TANGO2: variants seen among roughly 807,000 people sequenced by gnomAD.
TANGO2 encodes the protein transport and Golgi organization protein 2 homolog.
In TANGO2, 26 loss-of-function variants were observed where a neutral mutation model predicts 39.1. The ratio of observed to expected loss-of-function variants is 0.67; its 90% CI spans 0.49 to 0.92. The LOEUF (loss-of-function observed/expected upper bound fraction) is 0.92. Ranked by LOEUF, TANGO2 falls within the 40% of genes least tolerant of loss-of-function variation. TANGO2 has a pLI of 0.00. For missense variants in TANGO2, 326 were observed against 360.1 expected (o/e 0.91, Z 0.77); for synonymous variants, 131 against 144.5 (o/e 0.91, Z 0.67).
chr22:20,020,159 G>T (rs1369680274), upstream of TANGO2, among the ~76,000 whole-genome samples: 1 of 152,220 alleles, frequency 6.6e-6, no homozygotes, highest in African/African-American at 2.4e-5. Context: ...ACTGCTCCAA[G>T]TCTCAGTGTT....
chr22:20,025,418 A>G (rs1261622430), intron 1 of TANGO2, among the ~76,000 whole-genome samples: 2 of 151,818 alleles, frequency 1.3e-5, no homozygotes, highest in Admixed American at 1.3e-4. Flanking sequence ...GAGGGTAGAC[A>G]TTACTGTTCC....
chr22:20,056,141 C>T (rs573296082), intron 6 of TANGO2, 128 bp downstream of exon 6: 58 of 805,416 alleles, frequency 7.2e-5, no homozygotes, highest in South Asian at 4.6e-4. Flanking sequence ...ATTTAAGTGC[C>T]TTATGGTCTG....
intron 5 of TANGO2, chr22:20,054,007 C>G (rs1266472095): frequency 3.1e-6 from 1 of 323,046 alleles, no homozygotes; most frequent in African/African-American, 2.2e-5. Context: ...TCCTGCCCTC[C>G]TCCCCCTCCA....
chr22:20,042,360 T>C (rs1186812345), intron 2 of TANGO2, among the ~76,000 whole-genome samples: 1 of 152,184 alleles, frequency 6.6e-6, no homozygotes. Flanking sequence ...GTCACTGCTG[T>C]GTCCTTATTT....
intron 3 of TANGO2, among the ~76,000 whole-genome samples, chr22:20,049,353 C>A (rs189509595): frequency 8.6e-4 from 131 of 152,294 alleles, no homozygotes; most frequent in African/African-American, 3.1e-3. Context: ...ATGAGTGCTG[C>A]TGCTTTTTAG....
Position 20,036,767 on chromosome 22 carries a change from G to A in TANGO2, c.-32G>A, listed in dbSNP as rs780834778. The A allele has an allele frequency of 8.7e-6, 14 of 1,614,102 alleles. No individual in the cohort carries two copies. The highest frequency in any genetic ancestry group is 2.2e-5 in the South Asian group (2 of 91,062). ...GTTTTCCTTTTCCCGCAGACCTCGC[G>A]ACCTGTGTCAGCAGAGCCGCCCTGC... On this transcript the variant is annotated 5_prime_UTR_variant, in exon 2 of 9. Coordinates refer to ENST00000327374, the MANE Select transcript of TANGO2 (RefSeq NM_152906.7).
At chr22:20,018,087 G>A (rs1245566117), upstream of TANGO2, among the ~76,000 whole-genome samples, 1 of 152,224 alleles carries the variant, frequency 6.6e-6, no homozygotes, top group Non-Finnish European at 1.5e-5. Flanking sequence ...TCCTTGGCCA[G>A]GACAAAGAAA....
At chr22:20,063,595 C>A in intron 8 of TANGO2, 153 bp downstream of exon 8, 1 of 698,024 alleles carries the variant, frequency 1.4e-6, no homozygotes. Context: ...GACGCAGCTG[C>A]AGGGTGAGCA....
intron 1 of TANGO2, among the ~76,000 whole-genome samples, chr22:20,035,394 A>G (rs568168112): frequency 6.6e-6 from 1 of 152,338 alleles, no homozygotes; most frequent in Non-Finnish European, 1.5e-5. Context: ...TGGCTGTCCC[A>G]TGTCCCAGCT....
At chr22:20,027,400 G>A (rs2040976874) in intron 1 of TANGO2, among the ~76,000 whole-genome samples, 1 of 152,212 alleles carries the variant, frequency 6.6e-6, no homozygotes, top group Non-Finnish European at 1.5e-5. Flanking sequence ...ACCAGCCACA[G>A]CTGAGAGGCA....
chr22:20,043,020 C>T (rs1380997541), intron 2 of TANGO2, among the ~76,000 whole-genome samples: 1 of 152,066 alleles, frequency 6.6e-6, no homozygotes, highest in Non-Finnish European at 1.5e-5. Context: ...AGGAACAGCC[C>T]CCCACCCTCC....
At chr22:20,027,059 G>A (rs2040901404) in intron 1 of TANGO2, among the ~76,000 whole-genome samples, 2 of 152,256 alleles carry the variant, frequency 1.3e-5, no homozygotes, top group South Asian at 4.1e-4. Context: ...CTCAGCTTCT[G>A]GGGAGGCCTC....
In TANGO2 at chr22:20,063,075, G is replaced by C. The variant is rs567987787; in HGVS notation, c.606-263G>C. ...TGGACTTCTGTCAGGAGAATTGCTT[G>C]AACTCGGGAGGTGGAAGTTGCAGTG... On this transcript the variant is annotated intron_variant, in intron 7 of 8. Transcript: ENST00000327374. 1.3e-4 allele frequency: 54 copies of C among 407,960 alleles called. No individual in the cohort carries two copies. In the Admixed American group the frequency reaches 1.8e-3, roughly 13 times the overall value. 25.3% of individuals were successfully genotyped at this position (407,960 alleles called of 1,614,324 possible).
In TANGO2 at chr22:20,053,569, G is replaced by C; in HGVS notation, c.380+18G>C. On this transcript the variant is annotated intron_variant, in intron 5 of 8. Coordinates refer to ENST00000327374, the MANE Select transcript of TANGO2 (RefSeq NM_152906.7). ...GACCTGAGGTGGGTCTGCCAGAGGG[G>C]GATGGCGGCTCTGCCCAGCACTGCC... is the stretch of plus-strand genomic sequence containing the variant. 1 of 1,542,182 alleles carries C rather than the reference G, an allele frequency of 6.5e-7. No homozygotes were observed. Among genetic ancestry groups the C allele is most frequent in the African/African-American group, 1.4e-5 (1 of 73,548 alleles).
At position 20,057,759 on chromosome 22, in the gene TANGO2, A is replaced by G. The variant is rs1185683152; in HGVS notation, c.451+1746A>G. On this transcript the variant is annotated intron_variant, in intron 6 of 8. Transcript: ENST00000327374. This position sits in a 1 kb window ranked among gnomAD's most constrained non-coding sequence, Gnocchi z 4.1. ...AGGTCTGTGGCAGTGGAGTTGGGCC[A>G]TGCTGAGCCTGTGACTGCCCAGGAG... Among the ~76,000 whole-genome samples, 1 of 152,204 alleles carries G rather than the reference A, an allele frequency of 6.6e-6. No homozygotes were observed. The highest frequency in any genetic ancestry group is 1.5e-5 in the Non-Finnish European group (1 of 68,030).
At chr22:20,037,139 T>C (rs759225463) in intron 2 of TANGO2, 4 of 1,500,936 alleles carry the variant, frequency 2.7e-6, no homozygotes, top group Non-Finnish European at 3.5e-6. Flanking sequence ...TGCAGTTCTA[T>C]GGGCTTTGAG....
intron 2 of TANGO2, among the ~76,000 whole-genome samples, chr22:20,037,801 AAG>A (rs2043135888): frequency 6.6e-6 from 1 of 152,208 alleles, no homozygotes; most frequent in Admixed American, 6.5e-5. Flanking sequence ...CAGAACTCTA[AAG>A]AATGTAGGGG....
chr22:20,061,508 G>T (rs760462994), intron 6 of TANGO2, 22 bp from the exon 7 acceptor site: 3 of 1,588,172 alleles, frequency 1.9e-6, no homozygotes, highest in South Asian at 1.1e-5. Context: ...CCTCTGCATG[G>T]CCCGCTGATT....
chr22:20,039,587 C>T (rs976167578), intron 2 of TANGO2, among the ~76,000 whole-genome samples: 2 of 151,886 alleles, frequency 1.3e-5, no homozygotes, highest in Non-Finnish European at 2.9e-5. Flanking sequence ...TGAGATAGCG[C>T]CACTGCACTC....
Sources: gnomAD v4.1 joint callset for allele counts (sites outside exome capture counted in the v4.1 genomes callset) on GRCh38, gnomAD v4.1.1 for gene constraint, Gnocchi (gnomAD v3.1) non-coding constraint, MANE v1.5 for transcripts, NCBI Gene and HGNC (gene_info 2026-07-23, HGNC 2026-07-21) for gene names.